Variants in LAMA5 observed in about 807,000 individuals in gnomAD.
The protein encoded by LAMA5 is laminin subunit alpha 5.
Under a neutral mutation model 433.4 loss-of-function variants are expected in LAMA5, and 260 were observed. The observed-to-expected ratio is 0.60, with a 90% CI of 0.54 to 0.66. LAMA5 has a LOEUF of 0.66. Among genes scored for constraint, LAMA5 ranks in the 30% least tolerant of loss-of-function variants. LAMA5 has a pLI of 0.00. For synonymous variants in LAMA5, 2,620 were observed against 2,226.6 expected, an observed-to-expected ratio of 1.18 and a Z score of -4.97; for missense variants, 5,378 against 5,258.5, an observed-to-expected ratio of 1.02 and a Z score of -0.70.
chr20:62,310,174 T>A lies in LAMA5; in HGVS notation c.10734+4A>T. Reference sequence around the variant, plus strand: ...CCCTGGCACGCCACCTCTGCCAGGCTTACTTGCTTCTCGGTCACCTGCAAC... The same window carrying A: ...CCCTGGCACGCCACCTCTGCCAGGCATACTTGCTTCTCGGTCACCTGCAAC... On this transcript the variant is annotated splice_donor_region_variant and intron_variant, in intron 77 of 79. Transcript: ENST00000252999. 1.2e-6 allele frequency: 2 copies of A among 1,612,366 alleles called. No individual in the cohort carries two copies. Among genetic ancestry groups the A allele is most frequent in the Non-Finnish European group, 1.7e-6 (2 of 1,179,950 alleles).
Position 62,330,962 on chromosome 20 carries a change from G to C in LAMA5, c.3651-18C>G. ...AGGCGGCACTGGTGAGAGCACAGTG[G>C]GTGAGTCAGAGCCGGCCCTGCCGCC... On this transcript the variant is annotated intron_variant, in intron 29 of 79. Transcript: ENST00000252999. The C allele has an allele frequency of 6.4e-7, 1 of 1,556,030 alleles. No individual in the cohort carries two copies. The highest frequency in any genetic ancestry group is 8.7e-7 in the Non-Finnish European group (1 of 1,150,090).
In LAMA5 at chr20:62,335,281, A is replaced by G; in HGVS notation, c.2324-12T>C. ...GTCGCAGCTGCAGCCTGGGGAGAGC[A>G]GGGCAGGACTCAGATGCTTGGTGGG... On this transcript the variant is annotated splice_polypyrimidine_tract_variant and intron_variant, in intron 18 of 79. Transcript: ENST00000252999. The G allele has an allele frequency of 6.2e-7, 1 of 1,611,690 alleles. No individual in the cohort carries two copies. The highest frequency in any genetic ancestry group is 8.5e-7 in the Non-Finnish European group (1 of 1,179,332).
chr20:62,342,351 A>G lies in LAMA5; in HGVS notation c.1477+3467T>C. The G allele has an allele frequency of 5.9e-6, 2 of 337,596 alleles. 1 individual carries two copies. Among genetic ancestry groups the G allele is most frequent in the Non-Finnish European group, 1.2e-5 (2 of 173,186 alleles). 20.9% of individuals were successfully genotyped at this position (337,596 alleles called of 1,614,324 possible). Reference sequence around the variant, plus strand: ...ATTGAATACAATAGCCACAGAATACATTAAAACCTTAATTTAAGATCTCTG... The same window carrying G: ...ATTGAATACAATAGCCACAGAATACGTTAAAACCTTAATTTAAGATCTCTG... On this transcript the variant is annotated intron_variant, in intron 11 of 79. Coordinates refer to ENST00000252999, the MANE Select transcript of LAMA5 (RefSeq NM_005560.6).
chr20:62,335,148 G>A (rs1158605435), intron 19 of LAMA5, 22 bp from the exon 20 acceptor site: 2 of 1,612,546 alleles, frequency 1.2e-6, no homozygotes, highest in Non-Finnish European at 1.7e-6. Context: ...GGGAGGAGGT[G>A]AAGTGGGGCA....
At chr20:62,317,867 G>A (rs1351903191) in intron 53 of LAMA5, 89 bp from the exon 54 acceptor site, 3 of 140,614 alleles carry the variant, frequency 2.1e-5, no homozygotes, top group Non-Finnish European at 3.7e-5. Context: ...AGGGAAGGGA[G>A]AAGAAAAGAG....
chr20:62,312,789 C>G lies in LAMA5; in HGVS notation c.9079-9G>C. On this transcript the variant is annotated splice_polypyrimidine_tract_variant and intron_variant, in intron 66 of 79. Transcript: ENST00000252999. ...AGCAGGAACACCTGGATCTACAGGA[C>G]CAGTGGGGGCTCCAGGGCCAGCTGT... 6.3e-7 allele frequency: 1 copy of G among 1,593,690 alleles called. No homozygotes were observed. The highest frequency in any genetic ancestry group is 8.5e-7 in the Non-Finnish European group (1 of 1,173,570).
intron 6 of LAMA5, 119 bp from the exon 7 acceptor site, chr20:62,347,147 G>GC (rs930380842): frequency 6.1e-4 from 428 of 696,444 alleles, no homozygotes; most frequent in Admixed American, 1.0e-3. Context: ...CATGGACACG[G>GC]CCCCCCGCTG....
chr20:62,362,583 G>A (rs372690144), intron 1 of LAMA5, 31 bp from the exon 2 acceptor site: 11 of 1,474,784 alleles, frequency 7.5e-6, no homozygotes, highest in African/African-American at 2.8e-5. Flanking sequence ...TCAGATAGCC[G>A]AGAAGGGCCG....
In LAMA5 at chr20:62,333,476, G is replaced by A. The variant is rs376305543; in HGVS notation, c.3027C>T (p.Tyr1009=). ...AGTATGCGCTAGGCAGCAGAACCACGTAGTCCTGCAGGGTGGAGGTGGTGC... is the reference window on the plus strand; with the variant it reads ...AGTATGCGCTAGGCAGCAGAACCACATAGTCCTGCAGGGTGGAGGTGGTGC... ...RVEAEGVLLD[Y]VVLLPSAYYE... is the part of the protein sequence containing the mutation. Residue 1009 remains tyrosine (Y), a synonymous_variant, in exon 25 of 80, where the codon TAC becomes TAT. Transcript: ENST00000252999. 918 of 1,611,834 alleles carry A rather than the reference G, an allele frequency of 5.7e-4. 1 individual carries two copies. The highest frequency in any genetic ancestry group is 7.2e-4 in the Non-Finnish European group (848 of 1,179,566).
intron 51 of LAMA5, 111 bp from the exon 52 acceptor site, chr20:62,319,124 C>T: frequency 8.2e-7 from 1 of 1,215,750 alleles, no homozygotes; most frequent in Non-Finnish European, 1.1e-6. Context: ...GGCCAGGGGC[C>T]CGGAACCTGA....
Position 62,329,888 on chromosome 20 carries a change from A to T in LAMA5, c.4008T>A (p.His1336Gln). ...CCACCAGGGTGCGGCAGCCGTAGCC[A>T]TGTGGACAGAAGCTGGCGTTGGCGT... ...QGHANASFCPHGYGCRTLVVC... is the reference protein window; with the variant it reads ...QGHANASFCPQGYGCRTLVVC... Residue 1336 changes from histidine to glutamine, a missense_variant, in exon 32 of 80, where the codon CAT becomes CAA. Physicochemically the swap from His to Gln is conservative, Grantham distance 24. Transcript: ENST00000252999. 6.2e-7 allele frequency: 1 copy of T among 1,612,164 alleles called. No homozygotes were observed. Among genetic ancestry groups the T allele is most frequent in the Non-Finnish European group, 8.5e-7 (1 of 1,179,792 alleles).
rs1436569241 is a variant in LAMA5, at chr20:62,312,639, G to A, written c.9220C>T (p.Pro3074Ser). 1.2e-6 allele frequency: 2 copies of A among 1,605,892 alleles called. No individual in the cohort carries two copies. The highest frequency in any genetic ancestry group is 2.7e-5 in the African/African-American group (2 of 74,752). Residue 3074 changes from proline to serine, a missense_variant, in exon 67 of 80, where the codon CCC (proline) becomes TCC (serine). By Grantham distance (74) the Pro-to-Ser change is moderately conservative. Transcript: ENST00000252999. ...GCTGCGCACAGTGCTTACCTCGGGGGCAGCTGGTCGGGCGGCACGCCCCCC... is the reference window on the plus strand; with the variant it reads ...GCTGCGCACAGTGCTTACCTCGGGGACAGCTGGTCGGGCGGCACGCCCCCC... Reference protein sequence around the residue: ...YLGGVPPDQLPPSLRRLFPTG... With the variant: ...YLGGVPPDQLSPSLRRLFPTG...
rs1331104683 is a variant in LAMA5, at chr20:62,351,728, G to A, written c.932C>T (p.Ala311Val). Residue 311 changes from alanine (A) to valine (V), a missense_variant, in exon 6 of 80, where the codon GCC becomes GTC. By Grantham distance (64) the Ala-to-Val change is moderately conservative (BLOSUM62 0). Transcript: ENST00000252999. ...VCHGHADACD[A>V]KDPTDPFRLQ... Reference sequence around the variant, plus strand: ...CCTGAACGGGTCCGTGGGGTCTTTGGCATCGCAGGCATCCGCGTGGCCGTG... The same window carrying A: ...CCTGAACGGGTCCGTGGGGTCTTTGACATCGCAGGCATCCGCGTGGCCGTG... The A allele has an allele frequency of 6.2e-7, 1 of 1,611,910 alleles. No homozygotes were observed. Among genetic ancestry groups the A allele is most frequent in the African/African-American group, 1.3e-5 (1 of 75,054 alleles).
rs747210883 is a variant in LAMA5, at chr20:62,310,040, C to T, written c.10776G>A (p.Thr3592=). ...RADDGAGEFS[T]SVTRPSVLCD... ...ACAGCACTGAGGGGCGGGTCACTGA[C>T]GTGGAGAACTCCCCTGCTCCGTCAT... Residue 3592 remains threonine, a synonymous_variant, in exon 78 of 80, where the codon ACG becomes ACA. Transcript: ENST00000252999. The T allele has an allele frequency of 9.3e-6, 15 of 1,611,208 alleles. No homozygotes were observed. Among genetic ancestry groups the T allele is most frequent in the East Asian group, 4.5e-5 (2 of 44,880 alleles).
chr20:62,353,102 TC>T (rs1442006195), intron 3 of LAMA5, 31 bp downstream of exon 3: 2 of 1,484,628 alleles, frequency 1.3e-6, no homozygotes, highest in South Asian at 1.2e-5. Context: ...CCCCTGCCTC[TC>T]CCCCCAGGCC....
chr20:62,348,380 G>A (rs367790805), intron 6 of LAMA5, among the ~76,000 whole-genome samples: 2 of 152,184 alleles, frequency 1.3e-5, no homozygotes, highest in African/African-American at 4.8e-5. Flanking sequence ...CAAGGCGGGT[G>A]GATCACGAGG....
intron 1 of LAMA5, 40 bp from the exon 2 acceptor site, chr20:62,362,592 C>T (rs373077111): frequency 1.7e-5 from 25 of 1,447,350 alleles, no homozygotes; most frequent in East Asian, 1.3e-4. Flanking sequence ...CGAGAAGGGC[C>T]GGGGCCCCCT....
In LAMA5 at chr20:62,315,223, G is replaced by A. The variant is rs2146064753; in HGVS notation, c.7868-16C>T. 2 of 1,591,796 alleles carry A rather than the reference G, an allele frequency of 1.3e-6. No individual in the cohort carries two copies. The stretch of plus-strand genomic sequence containing the variant: ...CTTGTCTCGTCTGTGGTGGGCAGAG[G>A]GCAGGCTCAGCAGGGGCCAGCGGGG... On this transcript the variant is annotated splice_polypyrimidine_tract_variant and intron_variant, in intron 58 of 79. Coordinates refer to ENST00000252999, the MANE Select transcript of LAMA5 (RefSeq NM_005560.6).
rs74781811 is a variant in LAMA5, at chr20:62,327,909, G to A, written c.4754C>T (p.Ala1585Val). The part of the protein sequence containing the change: ...RPCDCHEAGT[A>V]PGVCDPLTGQ... ...TGTGAGGGGGTCACACACGCCAGGCGCAGTGCCCGCCTCGTGACAGTCACA... is the reference window on the plus strand; with the variant it reads ...TGTGAGGGGGTCACACACGCCAGGCACAGTGCCCGCCTCGTGACAGTCACA... The change falls in exon 36 of 80, where the codon GCG becomes GTG. Residue 1585 changes from alanine to valine, a missense_variant. Physicochemically the swap from Ala to Val is moderately conservative, Grantham distance 64. Transcript: ENST00000252999. The A allele has an allele frequency of 9.5e-3, 15,344 of 1,611,744 alleles. 164 individuals are homozygous for A. The highest frequency in any genetic ancestry group is 0.049 in the African/African-American group (3,693 of 75,026).
Sources: allele counts gnomAD v4.1 joint callset (sites outside exome capture counted in the v4.1 genomes callset), GRCh38; gene constraint gnomAD v4.1.1; transcripts MANE v1.5; gene names NCBI Gene and HGNC (gene_info 2026-07-23, HGNC 2026-07-21).